Variants in PIEZO1 observed in about 807,000 individuals in gnomAD.
PIEZO1 encodes the protein piezo-type mechanosensitive ion channel component 1.
PIEZO1 carries 296 observed loss-of-function variants against 297.2 expected under a neutral mutation model. The observed-to-expected ratio is 1.00, with a 90% CI of 0.91 to 1.10. The LOEUF is 1.10. Among genes scored for constraint, PIEZO1 ranks in the 50% least tolerant of loss-of-function variants. The pLI, the probability that PIEZO1 is intolerant of heterozygous loss-of-function variation, is 0.00. For synonymous variants in PIEZO1, 2,427 were observed against 1,507.5 expected (o/e 1.61, Z -14.13); for missense variants, 5,018 against 3,455.5 (o/e 1.45, Z -11.34).
intron 5 of PIEZO1, chr16:88,740,125 C>A (rs1905542290): frequency 6.6e-6 from 1 of 152,286 alleles, no homozygotes; most frequent in African/African-American, 2.4e-5. Context: ...GCGGCCAGCA[C>A]CCCTCGGGCT....
intron 50 of PIEZO1, 23 bp downstream of exon 50, chr16:88,715,891 AGCCCCCCGAGCTGCGGGGT>A: frequency 6.5e-7 from 1 of 1,540,952 alleles, no homozygotes; most frequent in Non-Finnish European, 8.8e-7. Context: ...GGCCGCCCGG[AGCCCCCCGAGCTGCGGGGT>A]GCCCCCCCAG....
chr16:88,717,732 A>T, intron 44 of PIEZO1: 1 of 441,992 alleles, frequency 2.3e-6, no homozygotes. Flanking sequence ...AATTTTCTGC[A>T]AATTTTAATT....
At chr16:88,721,109 A>G (rs760922638) in intron 39 of PIEZO1, 57 bp downstream of exon 39, 4 of 1,426,086 alleles carry the variant, frequency 2.8e-6, no homozygotes, top group South Asian at 2.9e-5. Context: ...CCCTCCCTGC[A>G]GTAGCCCCAC....
rs754644169 is a variant in PIEZO1 at position 88,723,001 on chromosome 16, G to A, written c.4504C>T (p.His1502Tyr). Residue 1502 changes from histidine to tyrosine, a missense_variant, in exon 34 of 51, where the codon CAT becomes TAT. By Grantham distance (83) the His-to-Tyr change is moderately conservative. Transcript: ENST00000301015. ...GTGCTCAGCACCCTCTGCACCACAT[G>A]GCTCCGGCCTGCGGGAGGGCGGGAG... ...GPEEAAAGRS[H>Y]VVQRVLSTAQ... 1.9e-6 allele frequency: 3 copies of A among 1,546,748 alleles called. No homozygotes were observed. The highest frequency in any genetic ancestry group is 2.4e-5 in the East Asian group (1 of 40,886).
Position 88,715,641 on chromosome 16 carries a change from C to T in PIEZO1, c.7530G>A (p.Pro2510=), listed in dbSNP as rs115423293. The change falls in exon 51 of 51, where the codon CCG becomes CCA. Residue 2510 remains proline (P), a synonymous_variant. Coordinates refer to ENST00000301015, the MANE Select transcript of PIEZO1 (RefSeq NM_001142864.4). ...CACGAGTCCACTTGATCATGGTCTC[C>T]GGTGAGCGGTAGAGGAAGATGAGCT... ...YAKLIFLYRS[P]ETMIKWTREK... 1.5e-3 allele frequency: 2,357 copies of T among 1,550,234 alleles called. 30 individuals are homozygous for T. The African/African-American group carries it at 0.027, about 18-fold the overall frequency.
chr16:88,757,436 G>C (rs1253825962), intron 1 of PIEZO1, among the ~76,000 whole-genome samples: 2 of 151,750 alleles, frequency 1.3e-5, no homozygotes, highest in African/African-American at 2.4e-5. Flanking sequence ...GGGCGGGTGG[G>C]AACAGGTCTC....
At position 88,727,173 on chromosome 16, in the gene PIEZO1, C is replaced by T. The variant is rs1430542718; in HGVS notation, c.3321G>A (p.Leu1107=). The change falls in exon 24 of 51, where the codon CTG becomes CTA. Residue 1107 remains leucine (L), a synonymous_variant. Coordinates refer to ENST00000301015, the MANE Select transcript of PIEZO1 (RefSeq NM_001142864.4). Reference sequence around the variant, plus strand: ...ACACCTGCCACTGCTGGGAGGCGCACAGCAGCAGGAGAAAGTCGCCTGCAG... The same window carrying T: ...ACACCTGCCACTGCTGGGAGGCGCATAGCAGCAGGAGAAAGTCGCCTGCAG... The part of the protein sequence containing the change: ...TNLISDFLLL[L]CASQQWQVFS... The T allele has an allele frequency of 3.2e-6, 5 of 1,544,156 alleles. No individual in the cohort carries two copies. The South Asian group carries it at 3.6e-5, about 11-fold the overall frequency.
chr16:88,762,298 G>A (rs1906969211), intron 1 of PIEZO1, among the ~76,000 whole-genome samples: 1 of 152,124 alleles, frequency 6.6e-6, no homozygotes. Flanking sequence ...GAGGGGCGGT[G>A]ACAAAGTAAG....
intron 1 of PIEZO1, among the ~76,000 whole-genome samples, chr16:88,754,567 G>A (rs920929672): frequency 3.9e-5 from 6 of 152,170 alleles, no homozygotes; most frequent in Admixed American, 6.5e-5. Context: ...CCTCTAACAC[G>A]GGCTGAACCA....
chr16:88,750,144 G>C (rs1906311855), intron 1 of PIEZO1, among the ~76,000 whole-genome samples: 1 of 151,738 alleles, frequency 6.6e-6, no homozygotes, highest in Non-Finnish European at 1.5e-5. Context: ...AGACCAGCCT[G>C]GCCAATATGG....
chr16:88,781,003 A>G (rs1476459071), intron 1 of PIEZO1, among the ~76,000 whole-genome samples: 14 of 152,234 alleles, frequency 9.2e-5, no homozygotes, highest in African/African-American at 3.4e-4. Flanking sequence ...TAAAATAGCT[A>G]AACAGAAGAC....
intron 12 of PIEZO1, 27 bp downstream of exon 12, chr16:88,736,121 C>G: frequency 6.6e-7 from 1 of 1,524,070 alleles, no homozygotes; most frequent in Non-Finnish European, 8.8e-7. Context: ...CACCCAGGCA[C>G]CCCCGGATGT....
Position 88,719,576 on chromosome 16 carries a change from T to G in PIEZO1, c.6469A>C (p.Lys2157Gln). The part of the protein sequence containing the change: ...FIIKCSRETE[K>Q]KYPQPKGQKK... ...GCCCCCGCCCTGGGCCCAGGCACCT[T>G]CTCTGTCTCTCGGCTGCATTTGATG... is the stretch of plus-strand genomic sequence containing the variant. Residue 2157 changes from lysine (K) to glutamine (Q), a missense_variant and splice_region_variant, in exon 44 of 51, where the codon AAG becomes CAG. Physicochemically the swap from Lys to Gln is moderately conservative, Grantham distance 53 (BLOSUM62 1). Transcript: ENST00000301015. The G allele has an allele frequency of 6.4e-7, 1 of 1,550,540 alleles. No homozygotes were observed.
rs191302762 is a variant in PIEZO1, at chr16:88,737,642, A to C, written c.1112T>G (p.Val371Gly). 402 of 1,534,566 alleles carry C rather than the reference A, an allele frequency of 2.6e-4. 1 individual carries two copies. The East Asian group carries it at 9.2e-3, about 35-fold the overall frequency. Reference sequence around the variant, plus strand: ...CTCGGTGTCGGGTGCTGTGGGCACCACGTGCTGTGGGCAAGCAGCGCTGAG... The same window carrying C: ...CTCGGTGTCGGGTGCTGTGGGCACCCCGTGCTGTGGGCAAGCAGCGCTGAG... The part of the protein sequence containing the change: ...WPQERESDQH[V>G]VPTAPDTEAD... The change falls in exon 10 of 51, where the codon GTG becomes GGG. Residue 371 changes from valine to glycine, a missense_variant. Physicochemically the swap from Val to Gly is moderately radical, Grantham distance 109 (BLOSUM62 -3). Coordinates refer to ENST00000301015, the MANE Select transcript of PIEZO1 (RefSeq NM_001142864.4).
chr16:88,759,758 A>G (rs905955544), intron 1 of PIEZO1, among the ~76,000 whole-genome samples: 3 of 152,132 alleles, frequency 2.0e-5, no homozygotes, highest in African/African-American at 7.2e-5. Context: ...GGACGGGGGG[A>G]AGCCAGCCCG....
At chr16:88,780,752 G>C (rs926721092) in intron 1 of PIEZO1, among the ~76,000 whole-genome samples, 1 of 152,242 alleles carries the variant, frequency 6.6e-6, no homozygotes, top group African/African-American at 2.4e-5. Context: ...CTTAAGGTCA[G>C]GAGTTCAAGG....
chr16:88,715,652 A>C lies in PIEZO1; in HGVS notation c.7519T>G (p.Tyr2507Asp). The change falls in exon 51 of 51, where the codon TAC becomes GAC. Residue 2507 changes from tyrosine to aspartate, a missense_variant. Tyr to Asp is a radical substitution (Grantham distance 160, BLOSUM62 -3). Coordinates refer to ENST00000301015, the MANE Select transcript of PIEZO1 (RefSeq NM_001142864.4). Reference sequence around the variant, plus strand: ...TTGATCATGGTCTCCGGTGAGCGGTAGAGGAAGATGAGCTTGGCGTACAAC... The same window carrying C: ...TTGATCATGGTCTCCGGTGAGCGGTCGAGGAAGATGAGCTTGGCGTACAAC... The part of the protein sequence containing the change: ...EELYAKLIFL[Y>D]RSPETMIKWT... 1 of 1,550,276 alleles carries C rather than the reference A, an allele frequency of 6.5e-7. No individual in the cohort carries two copies. Among genetic ancestry groups the C allele is most frequent in the Non-Finnish European group, 8.7e-7 (1 of 1,146,926 alleles).
chr16:88,776,433 CAA>C (rs953674823), intron 1 of PIEZO1, among the ~76,000 whole-genome samples: 3 of 138,518 alleles, frequency 2.2e-5, no homozygotes, highest in Admixed American at 7.3e-5. Context: ...GACTCTGTCT[CAA>C]AAAAAAAAAA....
chr16:88,724,893 G>A, intron 30 of PIEZO1, 116 bp downstream of exon 30: 1 of 671,482 alleles, frequency 1.5e-6, no homozygotes, highest in Non-Finnish European at 2.4e-6. Context: ...AGCACGTCCT[G>A]ACGCTCAGGG....
Sources: allele counts gnomAD v4.1 joint callset (sites outside exome capture counted in the v4.1 genomes callset), GRCh38; gene constraint gnomAD v4.1.1; transcripts MANE v1.5; gene names NCBI Gene and HGNC (gene_info 2026-07-23, HGNC 2026-07-21).